Variants in ASIC2 observed in about 807,000 individuals in gnomAD.
ASIC2 encodes acid-sensing ion channel 2.
Under a neutral mutation model 57.3 loss-of-function variants are expected in ASIC2, and 25 were observed. The ratio of observed to expected loss-of-function variants is 0.44; its 90% confidence interval spans 0.32 to 0.61. ASIC2 has a LOEUF of 0.61. ASIC2 is among the 20% of genes least tolerant of loss of function. ASIC2 has a pLI of 0.06. For missense variants in ASIC2, 641 were observed against 738.1 expected (o/e 0.87, Z 1.52); for synonymous variants, 319 against 307.5 (o/e 1.04, Z -0.39).
intron 1 of ASIC2, among the ~76,000 whole-genome samples, chr17:34,123,939 G>C (rs1057165646): frequency 2.0e-5 from 3 of 152,036 alleles, no homozygotes; most frequent in Non-Finnish European, 4.4e-5. Context: ...AAAATTAGCT[G>C]GGTGCGGTGG....
At chr17:33,352,393 T>C (rs1462170488) in intron 1 of ASIC2, among the ~76,000 whole-genome samples, 2 of 152,136 alleles carry the variant, frequency 1.3e-5, no homozygotes, top group Non-Finnish European at 2.9e-5. Flanking sequence ...CCCCCAAGGC[T>C]GCCACCCCCT....
At chr17:33,242,213 AG>A (rs1445462043) in intron 1 of ASIC2, among the ~76,000 whole-genome samples, 2 of 150,948 alleles carry the variant, frequency 1.3e-5, no homozygotes, top group East Asian at 4.0e-4. Flanking sequence ...GCTACTCGGG[AG>A]GCTGAGGCAG....
rs541314473 is a variant in ASIC2 at position 33,034,150 on chromosome 17, C to T, written c.988-5758G>A. The stretch of plus-strand genomic sequence containing the variant: ...GAGCTACCCACTTCTCTGAGCTCTT[C>T]TAACACTAAATAAAACTCCTCTCCT... On this transcript the variant is annotated intron_variant, in intron 3 of 9. Coordinates refer to ENST00000225823, the MANE Select transcript of ASIC2 (RefSeq NM_183377.2). Among the ~76,000 whole-genome samples the T allele has an allele frequency of 1.0e-3, 156 of 152,282 alleles. 2 individuals are homozygous for T. Among genetic ancestry groups the T allele is most frequent in the African/African-American group, 3.5e-3 (145 of 41,560 alleles).
chr17:33,063,108 G>A (rs977450793), intron 3 of ASIC2, among the ~76,000 whole-genome samples: 11 of 152,076 alleles, frequency 7.2e-5, no homozygotes, highest in African/African-American at 1.9e-4. Context: ...GTCTTGACTC[G>A]TTATCCAATT....
chr17:33,641,018 G>A (rs1229135995), intron 1 of ASIC2, among the ~76,000 whole-genome samples: 4 of 152,164 alleles, frequency 2.6e-5, no homozygotes, highest in Non-Finnish European at 5.9e-5. Flanking sequence ...TGGGAGAAGG[G>A]GTCTTCTTTA....
chr17:33,106,661 G>C (rs2092235974), intron 2 of ASIC2, among the ~76,000 whole-genome samples: 1 of 152,130 alleles, frequency 6.6e-6, no homozygotes, highest in Non-Finnish European at 1.5e-5. Flanking sequence ...ACTATTACAG[G>C]GTCTCAGGTG....
In ASIC2 at chr17:33,537,984, C is replaced by G. The variant is rs144067709; in HGVS notation, c.556-425917G>C. On this transcript the variant is annotated intron_variant, in intron 1 of 9. Coordinates refer to the ASIC2 transcript ENST00000359872. The stretch of plus-strand genomic sequence containing the variant: ...CGTGACTTCGGGCAAGTTACTTAAC[C>G]TCTCTGATTCTCAGTTTTCTCTGTA... 5.2e-3 allele frequency among the ~76,000 whole-genome samples: 797 copies of G among 152,272 alleles called. 6 individuals carry two copies. Among genetic ancestry groups the G allele is most frequent in the African/African-American group, 0.018 (762 of 41,544 alleles).
rs746929146 is a variant in ASIC2 at position 33,464,477 on chromosome 17, TTTCTCTCTTTC to T, written c.556-352421_556-352411del. Among the ~76,000 whole-genome samples, 162 of 107,754 alleles carry T rather than the reference TTTCTCTCTTTC, an allele frequency of 1.5e-3. 2 individuals carry two copies. The highest frequency in any genetic ancestry group is 3.0e-3 in the African/African-American group (78 of 25,746). The allele number at this position is 107,754 out of a possible 152,430, so 70.7% of individuals were successfully genotyped here. ...TTTTTCTCTTTCTTTCTTTCTTTCTTTTCTCTCTTTCTTTCTTTCTTTCTTTCTTTCTTTCT... is the reference window on the plus strand; with the variant it reads ...TTTTTCTCTTTCTTTCTTTCTTTCTTTTTCTTTCTTTCTTTCTTTCTTTCT... On this transcript the variant is annotated intron_variant, in intron 1 of 9. Coordinates refer to the ASIC2 transcript ENST00000359872.
chr17:33,256,783 G>A lies in ASIC2; in HGVS notation c.708+34625C>T, dbSNP rs1386267226. On this transcript the variant is annotated intron_variant, in intron 1 of 9. Transcript: ENST00000225823. ...GGAGGCAGAGGTTGCAGTGAGCCAA[G>A]ATTGTGCCACTGCACTCCAGCCTGG... Among the ~76,000 whole-genome samples, 3 of 152,300 alleles carry A rather than the reference G, an allele frequency of 2.0e-5. No homozygotes were observed. The East Asian group carries it at 5.8e-4, about 29-fold the overall frequency.
At chr17:33,201,084 T>A (rs978451531) in intron 1 of ASIC2, among the ~76,000 whole-genome samples, 1 of 152,138 alleles carries the variant, frequency 6.6e-6, no homozygotes, top group Non-Finnish European at 1.5e-5. Flanking sequence ...AAATTTCACC[T>A]CCCAACACAT....
intron 1 of ASIC2, among the ~76,000 whole-genome samples, chr17:33,207,762 T>G (rs1372166294): frequency 2.0e-5 from 3 of 152,152 alleles, no homozygotes; most frequent in African/African-American, 4.8e-5. Context: ...TGCTAGAAAG[T>G]AGGTGCCTCT....
intron 1 of ASIC2, among the ~76,000 whole-genome samples, chr17:33,618,810 A>G (rs34403689): frequency 0.02 from 3,004 of 152,270 alleles, 99 homozygotes; most frequent in African/African-American, 0.066. Flanking sequence ...TTTTATTAAT[A>G]AGCCTCATCT....
At chr17:33,711,504 T>G (rs1204887973) in intron 1 of ASIC2, among the ~76,000 whole-genome samples, 2 of 152,194 alleles carry the variant, frequency 1.3e-5, no homozygotes, top group African/African-American at 4.8e-5. Flanking sequence ...CAGTCTGTGC[T>G]TGTATTACTC....
chr17:33,674,654 C>T (rs572180649), intron 1 of ASIC2, among the ~76,000 whole-genome samples: 1 of 152,302 alleles, frequency 6.6e-6, no homozygotes, highest in South Asian at 2.1e-4. Context: ...TGTCCAAGTT[C>T]GAACAACTTG....
At chr17:33,071,226 A>C (rs1181200510) in intron 3 of ASIC2, among the ~76,000 whole-genome samples, 1 of 151,950 alleles carries the variant, frequency 6.6e-6, no homozygotes, top group Non-Finnish European at 1.5e-5. Flanking sequence ...TTCTTGAAAC[A>C]CTCTAAATAC....
rs145411809 is a variant in ASIC2 at position 33,928,953 on chromosome 17, C to T, written c.555+227025G>A. Among the ~76,000 whole-genome samples the T allele has an allele frequency of 2.3e-3, 356 of 152,206 alleles. 2 individuals carry two copies. The highest frequency in any genetic ancestry group is 7.0e-3 in the African/African-American group (290 of 41,514). On this transcript the variant is annotated intron_variant, in intron 1 of 9. Transcript: ENST00000359872. ...TCTGGGAGGTCTGCATGTAGGGAGGCGCTCGTTCTTGGATTCTCATGAAAT... is the reference window on the plus strand; with the variant it reads ...TCTGGGAGGTCTGCATGTAGGGAGGTGCTCGTTCTTGGATTCTCATGAAAT...
intron 1 of ASIC2, among the ~76,000 whole-genome samples, chr17:34,050,373 T>C (rs771124493): frequency 2.6e-5 from 4 of 151,856 alleles, no homozygotes; most frequent in Non-Finnish European, 1.5e-5. Flanking sequence ...TACATTGAGG[T>C]GGCAAAAAGA....
chr17:33,936,979 A>G (rs1296518175), intron 1 of ASIC2, among the ~76,000 whole-genome samples: 1 of 152,124 alleles, frequency 6.6e-6, no homozygotes, highest in African/African-American at 2.4e-5. Context: ...CACCTCCACC[A>G]AGCCCAAGCG....
intron 3 of ASIC2, among the ~76,000 whole-genome samples, chr17:33,042,435 A>T (rs2091933353): frequency 6.6e-6 from 1 of 152,252 alleles, no homozygotes. Flanking sequence ...ACCCTGTGAG[A>T]CTGGGTACTA....
Sources: gnomAD v4.1 joint callset for allele counts (sites outside exome capture counted in the v4.1 genomes callset) on GRCh38, gnomAD v4.1.1 for gene constraint, MANE v1.5 for transcripts, NCBI Gene and HGNC (gene_info 2026-07-23, HGNC 2026-07-21) for gene names.